The following LIMCH1 variants were observed in gnomAD, a reference collection of about 807,000 sequenced individuals.
The protein encoded by LIMCH1 is LIM and calponin homology domains 1.
A neutral mutation model predicts 176.5 loss-of-function variants in LIMCH1; 113 were observed. That is an observed-to-expected ratio of 0.64 (90% CI 0.55 to 0.75). The LOEUF is 0.75. Ranked by LOEUF, LIMCH1 falls within the 30% of genes least tolerant of loss-of-function variation. The pLI, the probability that LIMCH1 is intolerant of heterozygous loss-of-function variation, is 0.00. For missense variants in LIMCH1, 1,674 were observed against 1,814.9 expected (o/e 0.92, Z 1.41); for synonymous variants, 619 against 645.9 (o/e 0.96, Z 0.63).
intron 2 of LIMCH1, among the ~76,000 whole-genome samples, chr4:41,521,894 A>C (rs897903795): frequency 6.6e-6 from 1 of 152,172 alleles, no homozygotes. Context: ...TAATTTTTAC[A>C]AAGGATGAAT....
At chr4:41,540,220 T>A (rs568392740) in intron 1 of LIMCH1, among the ~76,000 whole-genome samples, 1 of 152,054 alleles carries the variant, frequency 6.6e-6, no homozygotes, top group East Asian at 1.9e-4. Context: ...AGGTAAAGAG[T>A]CTAGATTTTT....
At chr4:41,644,381 C>G (rs971099951) in intron 14 of LIMCH1, 119 bp from the exon 15 acceptor site, 2 of 1,298,462 alleles carry the variant, frequency 1.5e-6, no homozygotes, top group African/African-American at 3.1e-5. Context: ...GTGCGCAGCC[C>G]GGGAAGGGGG....
intron 31 of LIMCH1, 89 bp downstream of exon 31, chr4:41,692,473 C>T: frequency 1.3e-6 from 1 of 774,248 alleles, no homozygotes; most frequent in Admixed American, 2.1e-5. Context: ...TATTTTTCCC[C>T]AGCCGTTGAC....
At chr4:41,474,161 G>A (rs1464809629) in intron 1 of LIMCH1, among the ~76,000 whole-genome samples, 1 of 151,870 alleles carries the variant, frequency 6.6e-6, no homozygotes, top group African/African-American at 2.4e-5. Context: ...CTGGGCAACA[G>A]AGTGAGACTC....
intron 1 of LIMCH1, among the ~76,000 whole-genome samples, chr4:41,396,914 A>T (rs2057865585): frequency 6.6e-6 from 1 of 152,084 alleles, no homozygotes; most frequent in Non-Finnish European, 1.5e-5. Flanking sequence ...AAAAATAAAT[A>T]AATAAAAAGT....
At chr4:41,466,543 G>A (rs2066143024) in intron 1 of LIMCH1, among the ~76,000 whole-genome samples, 1 of 152,186 alleles carries the variant, frequency 6.6e-6, no homozygotes, top group Non-Finnish European at 1.5e-5. Flanking sequence ...CTTAGAAACA[G>A]TTCGGTTCCT....
chr4:41,640,964 C>T (rs2093796124), intron 14 of LIMCH1, among the ~76,000 whole-genome samples: 1 of 152,180 alleles, frequency 6.6e-6, no homozygotes, highest in African/African-American at 2.4e-5. Flanking sequence ...ACACTCTTTC[C>T]CTCCCAATAC....
intron 4 of LIMCH1, among the ~76,000 whole-genome samples, chr4:41,607,741 G>A (rs2090915663): frequency 6.6e-6 from 1 of 152,184 alleles, no homozygotes; most frequent in African/African-American, 2.4e-5. Flanking sequence ...TTCAACTGCT[G>A]TAAAATGACC....
chr4:41,660,735 T>A (rs919730695), intron 18 of LIMCH1, among the ~76,000 whole-genome samples: 2 of 152,014 alleles, frequency 1.3e-5, no homozygotes, highest in Non-Finnish European at 2.9e-5. Context: ...AAAATACGAG[T>A]TATACACGGA....
chr4:41,626,676 A>C (rs1585026470), intron 7 of LIMCH1, 32 bp from the exon 8 acceptor site: 21 of 1,519,066 alleles, frequency 1.4e-5, no homozygotes, highest in Non-Finnish European at 1.9e-5. Context: ...GTCTGATCAC[A>C]TGTGGAGTCC....
chr4:41,634,964 GA>G (rs1156703200), intron 13 of LIMCH1, among the ~76,000 whole-genome samples: 2 of 152,170 alleles, frequency 1.3e-5, no homozygotes, highest in East Asian at 3.8e-4. Flanking sequence ...AAGTTAGAAT[GA>G]AAGGAAAGAA....
intron 1 of LIMCH1, among the ~76,000 whole-genome samples, chr4:41,577,234 C>T (rs2084646778): frequency 1.3e-5 from 2 of 151,374 alleles, no homozygotes; most frequent in Non-Finnish European, 2.9e-5. Flanking sequence ...TGGCTGGAGA[C>T]CAGAACTAAA....
intron 1 of LIMCH1, among the ~76,000 whole-genome samples, chr4:41,406,047 G>T (rs1561266590): frequency 1.3e-5 from 2 of 152,028 alleles, no homozygotes; most frequent in African/African-American, 4.8e-5. Flanking sequence ...TTTCTGAGAT[G>T]AAAAAAACAC....
chr4:41,511,860 C>A (rs1431056763), intron 2 of LIMCH1, among the ~76,000 whole-genome samples: 1 of 151,976 alleles, frequency 6.6e-6, no homozygotes, highest in Non-Finnish European at 1.5e-5. Context: ...TTGGATTAGG[C>A]AATCATTTTT....
chr4:41,447,213 T>C (rs553426337), intron 1 of LIMCH1, among the ~76,000 whole-genome samples: 2 of 152,210 alleles, frequency 1.3e-5, no homozygotes, highest in African/African-American at 4.8e-5. Context: ...CCAGCCTGAG[T>C]GATAGAGCGA....
chr4:41,605,308 A>G (rs139469016), intron 3 of LIMCH1, among the ~76,000 whole-genome samples: 174 of 152,308 alleles, frequency 1.1e-3, no homozygotes, highest in African/African-American at 3.7e-3. Flanking sequence ...CCCCAAAGCT[A>G]GGTATCTGCA....
intron 1 of LIMCH1, among the ~76,000 whole-genome samples, chr4:41,562,040 C>T (rs1427358618): frequency 1.3e-5 from 2 of 152,132 alleles, no homozygotes; most frequent in East Asian, 3.9e-4. Flanking sequence ...CTTTATTTTG[C>T]TTCTGCCTCT....
intron 31 of LIMCH1, among the ~76,000 whole-genome samples, chr4:41,696,367 C>T (rs1426784100): frequency 2.0e-5 from 3 of 152,100 alleles, no homozygotes; most frequent in Non-Finnish European, 4.4e-5. Flanking sequence ...TCCCTGGGGT[C>T]TTTTCAAATG....
intron 1 of LIMCH1, among the ~76,000 whole-genome samples, chr4:41,581,128 A>C (rs186814761): frequency 2.3e-5 from 3 of 131,644 alleles, no homozygotes; most frequent in Admixed American, 2.1e-4. Context: ...CTATCTATCT[A>C]TCTATCTATC....
Sources: allele counts gnomAD v4.1 joint callset (sites outside exome capture counted in the v4.1 genomes callset), GRCh38; gene constraint gnomAD v4.1.1; transcripts MANE v1.5; gene names NCBI Gene and HGNC (gene_info 2026-07-23, HGNC 2026-07-21).